TOP3A: variants seen among roughly 807,000 people sequenced by gnomAD.
TOP3A encodes DNA topoisomerase III alpha.
A neutral mutation model predicts 111.3 loss-of-function variants in TOP3A; 64 were observed. The observed-to-expected ratio is 0.57, with a 90% CI of 0.47 to 0.71. The LOEUF (loss-of-function observed/expected upper bound fraction) is 0.71, where lower values mean the gene tolerates loss of function less well. Among genes scored for constraint, TOP3A ranks in the 30% least tolerant of loss-of-function variants. The pLI, the probability that TOP3A is intolerant of heterozygous loss-of-function variation, is 0.00. For missense variants in TOP3A, 1,104 were observed against 1,285.0 expected, an observed-to-expected ratio of 0.86 and a Z score of 2.15; for synonymous variants, 484 against 485.1, an observed-to-expected ratio of 1.00 and a Z score of 0.03.
intron 15 of TOP3A, 28 bp from the exon 16 acceptor site, chr17:18,282,869 A>G (rs1979851719): frequency 6.2e-7 from 1 of 1,612,766 alleles, no homozygotes; most frequent in Non-Finnish European, 8.5e-7. Context: ...ACAGACACCC[A>G]TCAGCCAGCA....
chr17:18,288,690 C>G (rs1229571533), intron 13 of TOP3A, among the ~76,000 whole-genome samples: 1 of 152,172 alleles, frequency 6.6e-6, no homozygotes, highest in Non-Finnish European at 1.5e-5. Context: ...CTTCCTCAGG[C>G]CTACCCTGCA....
At position 18,302,676 on chromosome 17, in the gene TOP3A, G is replaced by A. The variant is rs1286846647; in HGVS notation, c.547C>T (p.Pro183Ser). The stretch of plus-strand genomic sequence containing the variant: ...TCACAAGCTGTCCTGACGGCATGGG[G>A]TGTGATCTCAGAGAATCGGGCTCGC... ...VLRARFSEITPHAVRTACENL... is the reference protein window; with the variant it reads ...VLRARFSEITSHAVRTACENL... Residue 183 changes from proline (P) to serine (S), a missense_variant, in exon 6 of 19, where the codon CCC becomes TCC. Coordinates refer to ENST00000321105, the MANE Select transcript of TOP3A (RefSeq NM_004618.5). 3.7e-6 allele frequency: 6 copies of A among 1,614,054 alleles called. No homozygotes were observed. The highest frequency in any genetic ancestry group is 5.1e-6 in the Non-Finnish European group (6 of 1,180,026).
At position 18,277,866 on chromosome 17, in the gene TOP3A, A is replaced by G. The variant is rs1411665755; in HGVS notation, c.2636T>C (p.Ile879Thr). ...ASLGCPPGPG[I>T]HLGGFGNPGD... ...AGGGTTGCCAAACCCACCTAGGTGG[A>G]TCCCTGGGCCTGGTGGGCATCCCAG... Residue 879 changes from isoleucine to threonine, a missense_variant, in exon 18 of 19, where the codon ATC becomes ACC. Physicochemically the swap from Ile to Thr is moderately conservative, Grantham distance 89. Transcript: ENST00000321105. 1 of 1,614,048 alleles carries G rather than the reference A, an allele frequency of 6.2e-7. No homozygotes were observed. Among genetic ancestry groups the G allele is most frequent in the East Asian group, 2.2e-5 (1 of 44,878 alleles).
At chr17:18,312,077 G>T (rs192026287) in intron 1 of TOP3A, 1 of 152,404 alleles carries the variant, frequency 6.6e-6, no homozygotes, top group East Asian at 1.9e-4. Flanking sequence ...CGCTATAAAT[G>T]GCTGCTGCGG....
intron 9 of TOP3A, among the ~76,000 whole-genome samples, chr17:18,296,871 C>A (rs1333877155): frequency 6.6e-6 from 1 of 152,008 alleles, no homozygotes; most frequent in Non-Finnish European, 1.5e-5. Context: ...TTTCTGGGGT[C>A]AAATAATTTG....
At chr17:18,300,500 C>T (rs1981159971) in intron 8 of TOP3A, among the ~76,000 whole-genome samples, 1 of 152,034 alleles carries the variant, frequency 6.6e-6, no homozygotes, top group African/African-American at 2.4e-5. Flanking sequence ...CGCACCACAT[C>T]CGAGTGAAGG....
chr17:18,305,508 G>A (rs1040680295), intron 4 of TOP3A, among the ~76,000 whole-genome samples: 13 of 148,400 alleles, frequency 8.8e-5, no homozygotes, highest in Non-Finnish European at 1.5e-4. Flanking sequence ...GCGCGCGCAC[G>A]CACACTTCGA....
intron 9 of TOP3A, among the ~76,000 whole-genome samples, chr17:18,296,461 T>C (rs1428142028): frequency 6.6e-6 from 1 of 152,050 alleles, no homozygotes; most frequent in Admixed American, 6.6e-5. Flanking sequence ...GCACCTATAG[T>C]CCCAGCTACT....
intron 16 of TOP3A, 28 bp from the exon 17 acceptor site, chr17:18,280,686 T>C (rs373475081): frequency 1.7e-5 from 27 of 1,612,698 alleles, no homozygotes; most frequent in African/African-American, 1.5e-4. Flanking sequence ...TGTCAGATGA[T>C]AGGAGTGCAG....
chr17:18,292,372 T>C (rs1160455495), intron 11 of TOP3A, among the ~76,000 whole-genome samples: 1 of 151,752 alleles, frequency 6.6e-6, no homozygotes, highest in Non-Finnish European at 1.5e-5. Context: ...ACAGTGGAGG[T>C]GGGGGTCTGC....
rs9903211 is a variant in TOP3A at position 18,271,811 on chromosome 17, C to G, written c.*2991G>C. 563 of 444,288 alleles carry G rather than the reference C, an allele frequency of 1.3e-3. 4 individuals carry two copies. The highest frequency in any genetic ancestry group is 0.011 in the African/African-American group (537 of 48,070). 27.5% of individuals were successfully genotyped at this position (444,288 alleles called of 1,614,324 possible). A position where few individuals can be genotyped will look rare whatever the true frequency, so the allele number is the denominator to read the frequency against. The stretch of plus-strand genomic sequence containing the variant: ...GTGTGATGGCTCCTGCCTGTTAATC[C>G]TAGCACTTTGGGAGGCCGAGGCTGG... On this transcript the variant is annotated 3_prime_UTR_variant, in exon 19 of 19. Coordinates refer to ENST00000321105, the MANE Select transcript of TOP3A (RefSeq NM_004618.5).
chr17:18,288,131 T>TTATATATATATATATATATATATATATA (rs142429216), intron 13 of TOP3A, among the ~76,000 whole-genome samples: 26 of 122,692 alleles, frequency 2.1e-4, no homozygotes, highest in African/African-American at 6.4e-4. Context: ...CTGTTAATAA[T>TTATATATATATATATATATATATATATA]TATATATATA....
chr17:18,281,069 C>T (rs1979727666), intron 16 of TOP3A, among the ~76,000 whole-genome samples: 2 of 152,194 alleles, frequency 1.3e-5, no homozygotes, highest in Admixed American at 1.3e-4. Flanking sequence ...GGATGGGAGC[C>T]AGGAATGGAA....
chr17:18,314,406 G>A (rs143595634), intron 1 of TOP3A, among the ~76,000 whole-genome samples, 193 bp downstream of exon 1: 72 of 152,376 alleles, frequency 4.7e-4, no homozygotes, highest in African/African-American at 1.7e-3. Flanking sequence ...TGAGTGAGAT[G>A]TATCAACTAC....
In TOP3A at chr17:18,304,089, T is replaced by TGAGTAGCTGGGACTACA. The variant is rs570093336; in HGVS notation, c.499+1006_499+1022dup. On this transcript the variant is annotated intron_variant, in intron 5 of 18. Transcript: ENST00000321105. Reference sequence around the variant, plus strand: ...AAGCAATTCTCCTGCCTTGGTCTCCTGAGTAGCTGGGACTACAGGCGCCCG... The same window carrying TGAGTAGCTGGGACTACA: ...AAGCAATTCTCCTGCCTTGGTCTCCTGAGTAGCTGGGACTACAGAGTAGCTGGGACTACAGGCGCCCG... 3.8e-4 allele frequency among the ~76,000 whole-genome samples: 58 copies of TGAGTAGCTGGGACTACA among 152,234 alleles called. No individual in the cohort carries two copies. In the East Asian group the frequency reaches 0.011, roughly 29 times the overall value.
At chr17:18,311,635 C>A (rs563420903) in intron 1 of TOP3A, among the ~76,000 whole-genome samples, 1 of 152,186 alleles carries the variant, frequency 6.6e-6, no homozygotes, top group Non-Finnish European at 1.5e-5. Context: ...ATTCCAGACA[C>A]CATATTAGGC....
Position 18,277,658 on chromosome 17 carries a change from G to A in TOP3A, c.2827+17C>T. On this transcript the variant is annotated intron_variant, in intron 18 of 18. Transcript: ENST00000321105. Reference sequence around the variant, plus strand: ...GAAAACTGAAGGCAGGGATTCCCATGCCCCTCCCTGCCTCACCTGGAGCGG... The same window carrying A: ...GAAAACTGAAGGCAGGGATTCCCATACCCCTCCCTGCCTCACCTGGAGCGG... The A allele has an allele frequency of 1.3e-6, 2 of 1,591,220 alleles. No individual in the cohort carries two copies. Among genetic ancestry groups the A allele is most frequent in the Non-Finnish European group, 1.7e-6 (2 of 1,163,094 alleles).
intron 18 of TOP3A, among the ~76,000 whole-genome samples, chr17:18,275,566 G>A (rs1979306567): frequency 6.6e-6 from 1 of 151,310 alleles, no homozygotes. Flanking sequence ...GTTTCATCAT[G>A]TTAGCCAGGA....
At position 18,274,695 on chromosome 17, in the gene TOP3A, C is replaced by CCT; in HGVS notation, c.*105_*106dup. 6.7e-7 allele frequency: 1 copy of CCT among 1,500,018 alleles called. No individual in the cohort carries two copies. Among genetic ancestry groups the CCT allele is most frequent in the Non-Finnish European group, 8.9e-7 (1 of 1,123,906 alleles). The allele number at this position is 1,500,018 out of a possible 1,614,324, so 92.9% of individuals were successfully genotyped here. A position where few individuals can be genotyped will look rare whatever the true frequency, so the allele number is the denominator to read the frequency against. On this transcript the variant is annotated 3_prime_UTR_variant, in exon 19 of 19. Coordinates refer to ENST00000321105, the MANE Select transcript of TOP3A (RefSeq NM_004618.5). ...GCCCGACTCCAAAGGCCAACACTGT[C>CCT]CTCTAAGTTTCCAGGACACTAAATG...
Sources: allele counts gnomAD v4.1 joint callset (sites outside exome capture counted in the v4.1 genomes callset), GRCh38; gene constraint gnomAD v4.1.1; transcripts MANE v1.5; gene names NCBI Gene and HGNC (gene_info 2026-07-23, HGNC 2026-07-21).